The following SYN2 variants were observed in gnomAD, a reference collection of about 807,000 sequenced individuals.
SYN2 encodes synapsin II.
In SYN2, 19 loss-of-function variants were observed where a neutral mutation model predicts 50.9. The observed-to-expected ratio is 0.37, with a 90% CI of 0.26 to 0.55. The LOEUF is 0.55. Ranked by LOEUF, SYN2 falls within the 20% of genes least tolerant of loss-of-function variation. The probability of loss-of-function intolerance (pLI) is 0.81; values close to 1 mark genes in which losing one functional copy is unlikely to be tolerated. For missense variants in SYN2, 587 were observed against 576.4 expected (o/e 1.02, Z -0.19); for synonymous variants, 255 against 224.9 (o/e 1.13, Z -1.20).
chr3:12,122,314 TAAC>T (rs1215200218), intron 1 of SYN2, among the ~76,000 whole-genome samples: 18 of 152,172 alleles, frequency 1.2e-4, no homozygotes, highest in African/African-American at 3.6e-4. Flanking sequence ...GAACAAAAAA[TAAC>T]AACATTCTTT....
chr3:12,156,846 T>C (rs777413604), intron 5 of SYN2: 1 of 1,614,216 alleles, frequency 6.2e-7, no homozygotes, highest in South Asian at 1.1e-5. Flanking sequence ...CTTCTGGCTG[T>C]TGGCTTCTAG....
At chr3:12,179,374 G>GAAAAAAAAAAAAA (rs536283283) in intron 10 of SYN2, among the ~76,000 whole-genome samples, 10 of 92,562 alleles carry the variant, frequency 1.1e-4, no homozygotes, top group Admixed American at 2.4e-4. Flanking sequence ...AGAACTGAAA[G>GAAAAAAAAAAAAA]AAAAAAAAAA....
chr3:12,009,595 C>CT (rs1310566745), intron 1 of SYN2, among the ~76,000 whole-genome samples: 2 of 152,182 alleles, frequency 1.3e-5, no homozygotes, highest in African/African-American at 4.8e-5. Flanking sequence ...TCTTTTTACT[C>CT]TTAAGTCGCT....
chr3:12,187,475 T>TTCC lies in SYN2; in HGVS notation c.1485_1487dup (p.Ser496dup), dbSNP rs1171584966. On this transcript the variant is annotated inframe_insertion, in exon 12 of 13. Transcript: ENST00000621198. ...CACCTTCCTCCTCTTCCTCCTCTTCTTCCTCCTCCTCGGCTCCTCAGCGGC... is the reference window on the plus strand; with the variant it reads ...CACCTTCCTCCTCTTCCTCCTCTTCTTCCTCCTCCTCCTCGGCTCCTCAGCGGC... 2 of 1,550,692 alleles carry TTCC rather than the reference T, an allele frequency of 1.3e-6. No individual in the cohort carries two copies. Among genetic ancestry groups the TTCC allele is most frequent in the Non-Finnish European group, 1.7e-6 (2 of 1,145,864 alleles).
intron 1 of SYN2, among the ~76,000 whole-genome samples, chr3:12,086,073 C>A (rs1012005890): frequency 1.3e-5 from 2 of 151,930 alleles, no homozygotes; most frequent in African/African-American, 4.8e-5. Context: ...TACCTGATAC[C>A]ACAGAAATAC....
rs536898350 is a variant in SYN2, at chr3:12,015,884, T to C, written c.377+10956T>C. 3.9e-5 allele frequency among the ~76,000 whole-genome samples: 6 copies of C among 152,368 alleles called. No homozygotes were observed. In the South Asian group the frequency reaches 6.2e-4, roughly 16 times the overall value. On this transcript the variant is annotated intron_variant, in intron 1 of 12. Transcript: ENST00000621198. Reference sequence around the variant, plus strand: ...CCATTCCTGTCCTCCCAAGCACAACTATAATCCCTTTTCCAGGATATATAC... The same window carrying C: ...CCATTCCTGTCCTCCCAAGCACAACCATAATCCCTTTTCCAGGATATATAC...
At chr3:12,086,009 A>G (rs945697866) in intron 1 of SYN2, among the ~76,000 whole-genome samples, 1 of 152,156 alleles carries the variant, frequency 6.6e-6, no homozygotes, top group African/African-American at 2.4e-5. Context: ...TAGCTAGACT[A>G]ACAAAGAAAA....
At chr3:12,099,916 G>A (rs1696030258) in intron 1 of SYN2, among the ~76,000 whole-genome samples, 1 of 126,048 alleles carries the variant, frequency 7.9e-6, no homozygotes, top group Admixed American at 9.6e-5. Context: ...AGTGAGCCGA[G>A]ATCGCACCAC....
At chr3:12,014,316 T>C (rs918452999) in intron 1 of SYN2, among the ~76,000 whole-genome samples, 5 of 152,190 alleles carry the variant, frequency 3.3e-5, no homozygotes, top group Non-Finnish European at 7.4e-5. Flanking sequence ...AAGGTAACAA[T>C]GAAGAGAGGG....
rs73139680 is a variant in SYN2 at position 12,130,457 on chromosome 3, G to A, written c.378-10194G>A. Among the ~76,000 whole-genome samples, 1,128 of 152,144 alleles carry A rather than the reference G, an allele frequency of 7.4e-3. 9 individuals carry two copies. Among genetic ancestry groups the A allele is most frequent in the African/African-American group, 0.026 (1,062 of 41,500 alleles). ...AAGCTATGTCCTTGCTTGAAGACAG[G>A]GAGAAAGAGCAAATTCTCCTGTACT... On this transcript the variant is annotated intron_variant, in intron 1 of 12. Coordinates refer to ENST00000621198, the MANE Select transcript of SYN2 (RefSeq NM_133625.6).
At chr3:12,050,277 C>T (rs555711761) in intron 1 of SYN2, among the ~76,000 whole-genome samples, 5 of 151,538 alleles carry the variant, frequency 3.3e-5, no homozygotes, top group East Asian at 1.9e-4. Context: ...AGAGTAAATC[C>T]GTAAGTTACA....
chr3:12,153,486 T>A, intron 5 of SYN2: 1 of 1,611,864 alleles, frequency 6.2e-7, no homozygotes, highest in Non-Finnish European at 8.5e-7. Context: ...TCAGGACTCT[T>A]GAAGGGATGT....
At chr3:12,190,368 C>G (rs936555473) in intron 12 of SYN2, 122 bp from the exon 13 acceptor site, 1 of 1,145,468 alleles carries the variant, frequency 8.7e-7, no homozygotes, top group Non-Finnish European at 1.3e-6. Context: ...GCATTATCCT[C>G]CATCACCTTG....
intron 2 of SYN2, among the ~76,000 whole-genome samples, chr3:12,141,511 A>G (rs308964): frequency 0.93 from 142,245 of 152,294 alleles, 66,521 homozygotes; most frequent in East Asian, 1. Flanking sequence ...AAAACTAGTT[A>G]CCTAAATTTA....
chr3:12,151,584 C>T (rs946180808), intron 5 of SYN2, among the ~76,000 whole-genome samples: 5 of 152,204 alleles, frequency 3.3e-5, no homozygotes, highest in Admixed American at 6.5e-5. Flanking sequence ...TCTGGACCAA[C>T]AATCAGATCT....
intron 1 of SYN2, among the ~76,000 whole-genome samples, chr3:12,139,138 C>T (rs1378287732): frequency 5.3e-5 from 8 of 152,048 alleles, no homozygotes; most frequent in African/African-American, 1.9e-4. Context: ...TGGCTGAGTG[C>T]CTCAGAGGAG....
chr3:12,166,255 GTGT>G (rs1390498676), intron 7 of SYN2, among the ~76,000 whole-genome samples: 1 of 152,256 alleles, frequency 6.6e-6, no homozygotes, highest in Non-Finnish European at 1.5e-5. Context: ...TCTGTCGACA[GTGT>G]AAGCAGGACT....
At chr3:12,027,270 A>T (rs1694281492) in intron 1 of SYN2, among the ~76,000 whole-genome samples, 1 of 152,162 alleles carries the variant, frequency 6.6e-6, no homozygotes, top group South Asian at 2.1e-4. Flanking sequence ...CGTTTGTGGT[A>T]ATTGGAGCAG....
intron 1 of SYN2, among the ~76,000 whole-genome samples, chr3:12,113,864 G>C (rs1696376176): frequency 6.6e-6 from 1 of 151,756 alleles, no homozygotes; most frequent in Non-Finnish European, 1.5e-5. Flanking sequence ...GACATTTTGG[G>C]CTATTTTCAC....
Sources: allele counts gnomAD v4.1 joint callset (sites outside exome capture counted in the v4.1 genomes callset), GRCh38; gene constraint gnomAD v4.1.1; transcripts MANE v1.5; gene names NCBI Gene and HGNC (gene_info 2026-07-23, HGNC 2026-07-21).